The following PLEKHA8 variants were observed in gnomAD, a reference collection of about 807,000 sequenced individuals.
The protein encoded by PLEKHA8 is pleckstrin homology domain containing A8.
In PLEKHA8, 36 loss-of-function variants were observed where a neutral mutation model predicts 68.2. The ratio of observed to expected loss-of-function variants is 0.53; its 90% CI spans 0.40 to 0.70. PLEKHA8 has a LOEUF of 0.70. PLEKHA8 is among the 30% of genes least tolerant of loss of function. The probability of loss-of-function intolerance (pLI) is 0.00; values close to 1 mark genes in which losing one functional copy is unlikely to be tolerated. For synonymous variants in PLEKHA8, 211 were observed against 216.1 expected, an observed-to-expected ratio of 0.98 and a Z score of 0.20; for missense variants, 505 against 615.4, an observed-to-expected ratio of 0.82 and a Z score of 1.90.
At chr7:30,094,894 A>G (rs1386117162), downstream of PLEKHA8, among the ~76,000 whole-genome samples, 2 of 152,086 alleles carry the variant, frequency 1.3e-5, no homozygotes, top group African/African-American at 4.8e-5. Flanking sequence ...CATGGTGTAT[A>G]TGTGCCACAT....
intron 13 of PLEKHA8, among the ~76,000 whole-genome samples, chr7:30,110,281 T>G (rs1796227463): frequency 6.6e-6 from 1 of 152,242 alleles, no homozygotes. Flanking sequence ...GTGTGTGGTG[T>G]TTTATGTCTG....
intron 9 of PLEKHA8, among the ~76,000 whole-genome samples, chr7:30,056,081 T>G (rs1792831659): frequency 6.6e-6 from 1 of 150,730 alleles, no homozygotes; most frequent in South Asian, 2.1e-4. Context: ...TAGCTGGGAC[T>G]TCAGGTGCCT....
intron 13 of PLEKHA8, among the ~76,000 whole-genome samples, chr7:30,119,674 C>A (rs1796663488): frequency 6.6e-6 from 1 of 152,202 alleles, no homozygotes; most frequent in African/African-American, 2.4e-5. Flanking sequence ...TGCCAAGACA[C>A]ATTTTATTAC....
chr7:30,115,508 GTA>G (rs1374513493), intron 13 of PLEKHA8, among the ~76,000 whole-genome samples: 1 of 144,254 alleles, frequency 6.9e-6, no homozygotes, highest in Non-Finnish European at 1.6e-5. Context: ...GTATACATAT[GTA>G]CACATACACG....
In PLEKHA8 at chr7:30,096,375, G is replaced by A. The variant is rs574296725; in HGVS notation, c.1362+22243G>A. ...CTTGGGATTTTTGCACATTGATTTT[G>A]TATCCTGAGACTTTGCTGAAGTTGC... On this transcript the variant is annotated intron_variant, in intron 13 of 13. Coordinates refer to the PLEKHA8 transcript ENST00000396257. 7.9e-5 allele frequency among the ~76,000 whole-genome samples: 12 copies of A among 152,312 alleles called. No homozygotes were observed. In the East Asian group the frequency reaches 2.3e-3, roughly 29 times the overall value.
downstream of PLEKHA8, among the ~76,000 whole-genome samples, chr7:30,095,233 G>T (rs1471592532): frequency 6.6e-6 from 1 of 152,184 alleles, no homozygotes; most frequent in Non-Finnish European, 1.5e-5. Context: ...GGTGTGAGAT[G>T]GTATCTCATT....
At chr7:30,045,659 A>G (rs909270372) in intron 2 of PLEKHA8, among the ~76,000 whole-genome samples, 4 of 152,234 alleles carry the variant, frequency 2.6e-5, no homozygotes, top group Non-Finnish European at 5.9e-5. Flanking sequence ...GTGGCTCGGA[A>G]GAAAAACAGA....
chr7:30,035,639 CTTAT>C (rs923801200), intron 1 of PLEKHA8, among the ~76,000 whole-genome samples: 5 of 151,510 alleles, frequency 3.3e-5, no homozygotes, highest in East Asian at 1.9e-4. Context: ...TTCTTATTTA[CTTAT>C]TTATTTATTT....
chr7:30,115,161 T>A (rs1796387693), intron 13 of PLEKHA8, among the ~76,000 whole-genome samples: 1 of 152,140 alleles, frequency 6.6e-6, no homozygotes, highest in Non-Finnish European at 1.5e-5. Flanking sequence ...TTTAAAATAA[T>A]TTTTGCTGTA....
At chr7:30,060,559 G>A (rs369595558) in intron 9 of PLEKHA8, among the ~76,000 whole-genome samples, 74 of 152,220 alleles carry the variant, frequency 4.9e-4, no homozygotes, top group South Asian at 4.4e-3. Flanking sequence ...TACTAGCCAC[G>A]CTGCAAGTAC....
intron 1 of PLEKHA8, among the ~76,000 whole-genome samples, chr7:30,040,672 A>G (rs1309136030): frequency 1.3e-5 from 2 of 152,252 alleles, no homozygotes; most frequent in African/African-American, 4.8e-5. Context: ...GCCAAAAATA[A>G]ATGTCAAGTA....
At chr7:30,114,533 AT>A (rs1207073343) in intron 13 of PLEKHA8, among the ~76,000 whole-genome samples, 3 of 152,208 alleles carry the variant, frequency 2.0e-5, no homozygotes, top group African/African-American at 4.8e-5. Context: ...TAGGGCTTTA[AT>A]AATTTTAAGC....
chr7:30,074,947 A>G (rs1794521688), intron 13 of PLEKHA8: 1 of 152,158 alleles, frequency 6.6e-6, no homozygotes, highest in African/African-American at 2.4e-5. Context: ...TATGTCAGCA[A>G]TACACTCTGT....
chr7:30,123,834 C>A (rs1411704138), intron 13 of PLEKHA8, among the ~76,000 whole-genome samples: 1 of 152,178 alleles, frequency 6.6e-6, no homozygotes, highest in Non-Finnish European at 1.5e-5. Context: ...AATTCCTGAA[C>A]TTATCAGTTA....
intron 13 of PLEKHA8, among the ~76,000 whole-genome samples, chr7:30,076,641 CTTGAAGGCTTTAAATA>C (rs1315516952): frequency 1.3e-5 from 2 of 152,142 alleles, no homozygotes; most frequent in African/African-American, 4.8e-5. Flanking sequence ...GTAAAAACAT[CTTGAAGGCTTTAAATA>C]TTATTGCCAA....
In PLEKHA8 at chr7:30,082,449, A is replaced by G. The variant is rs569822655; in HGVS notation, c.*3662A>G. The G allele has an allele frequency of 1.0e-6, 1 of 985,328 alleles. No individual in the cohort carries two copies. Among genetic ancestry groups the G allele is most frequent in the East Asian group, 1.1e-4 (1 of 8,810 alleles). The allele number at this position is 985,328 out of a possible 1,614,324, so 61.0% of individuals were successfully genotyped here. A position where few individuals can be genotyped will look rare whatever the true frequency, so the allele number is the denominator to read the frequency against. ...TGGGGATTCTGTTCCCCCACCCCCC[A>G]GACTGCAAGAGCTTCTTAAGAAGGA... On this transcript the variant is annotated 3_prime_UTR_variant, in exon 14 of 14. Transcript: ENST00000449726.
intron 12 of PLEKHA8, among the ~76,000 whole-genome samples, chr7:30,068,765 T>G (rs1180963816): frequency 6.6e-6 from 1 of 152,214 alleles, no homozygotes; most frequent in Non-Finnish European, 1.5e-5. Context: ...TCTTTCTTTA[T>G]GGATTGTACT....
intron 4 of PLEKHA8, 123 bp from the exon 5 acceptor site, chr7:30,049,101 G>A: frequency 1.7e-6 from 2 of 1,145,930 alleles, no homozygotes; most frequent in Non-Finnish European, 2.6e-6. Flanking sequence ...TATAACTGAT[G>A]TACATATTTC....
At chr7:30,114,632 CTTTTAAGT>C (rs138309710) in intron 13 of PLEKHA8, among the ~76,000 whole-genome samples, 2,218 of 152,230 alleles carry the variant, frequency 0.015, 29 homozygotes, top group South Asian at 0.055. Context: ...TGTCTGCTGA[CTTTTAAGT>C]CAGCAGGATT....
Sources: gnomAD v4.1 joint callset for allele counts (sites outside exome capture counted in the v4.1 genomes callset) on GRCh38, gnomAD v4.1.1 for gene constraint, MANE v1.5 for transcripts, NCBI Gene and HGNC (gene_info 2026-07-23, HGNC 2026-07-21) for gene names.